The following SLA variants were observed in gnomAD, a reference collection of about 807,000 sequenced individuals.
SLA encodes the protein src-like-adapter.
SLA carries 16 observed loss-of-function variants against 30.3 expected under a neutral mutation model. The ratio of observed to expected loss-of-function variants is 0.53; its 90% CI spans 0.36 to 0.80. The LOEUF is 0.80. Among genes scored for constraint, SLA ranks in the 30% least tolerant of loss-of-function variants. SLA has a pLI of 0.01. For synonymous variants in SLA, 143 were observed against 137.8 expected (o/e 1.04, Z -0.26); for missense variants, 310 against 345.2 (o/e 0.90, Z 0.81).
chr8:133,057,421 C>T (rs1027530180), intron 3 of SLA, among the ~76,000 whole-genome samples: 4 of 152,222 alleles, frequency 2.6e-5, no homozygotes, highest in African/African-American at 9.6e-5. Flanking sequence ...CTACCAGTTT[C>T]ACCACTTTAA....
intron 3 of SLA, among the ~76,000 whole-genome samples, chr8:133,055,232 G>A (rs1284949972): frequency 1.3e-5 from 2 of 152,044 alleles, no homozygotes; most frequent in African/African-American, 4.8e-5. Context: ...TGGTGGGTAG[G>A]GAGCTGTACA....
intron 6 of SLA, among the ~76,000 whole-genome samples, chr8:133,046,184 T>C (rs1228062714): frequency 6.6e-6 from 1 of 152,024 alleles, no homozygotes; most frequent in East Asian, 1.9e-4. Flanking sequence ...GTTCCAGGAG[T>C]AGAAAACACC....
intron 3 of SLA, among the ~76,000 whole-genome samples, chr8:133,056,557 T>A (rs1841476275): frequency 6.6e-6 from 1 of 152,218 alleles, no homozygotes; most frequent in Non-Finnish European, 1.5e-5. Flanking sequence ...TCAGACCACC[T>A]GGCTTTGAAT....
chr8:133,094,830 C>CT, intron 1 of SLA: 1 of 652,484 alleles, frequency 1.5e-6, no homozygotes, highest in Non-Finnish European at 2.7e-6. Context: ...GGTTAGGAAA[C>CT]TGAGGCCTAG....
chr8:133,057,778 A>C (rs916294486), intron 3 of SLA, among the ~76,000 whole-genome samples: 1 of 151,866 alleles, frequency 6.6e-6, no homozygotes, highest in African/African-American at 2.4e-5. Context: ...AAAAAACAAA[A>C]AAAAAAAAAC....
At chr8:133,099,977 C>T (rs1849003520) in intron 1 of SLA, among the ~76,000 whole-genome samples, 1 of 152,172 alleles carries the variant, frequency 6.6e-6, no homozygotes, top group Admixed American at 6.5e-5. Context: ...GACCATTTTA[C>T]TCCTCTGCTC....
At chr8:133,057,529 G>T (rs976849123) in intron 3 of SLA, among the ~76,000 whole-genome samples, 3 of 152,138 alleles carry the variant, frequency 2.0e-5, no homozygotes, top group Admixed American at 1.3e-4. Flanking sequence ...GCTGGTGCCT[G>T]CCCTGCATCA....
At chr8:133,047,957 T>C (rs761048884) in intron 5 of SLA, 24 bp from the exon 6 acceptor site, 2 of 1,469,094 alleles carry the variant, frequency 1.4e-6, no homozygotes, top group African/African-American at 1.4e-5. Context: ...AGACAGCCAT[T>C]AGGATCCGGA....
chr8:133,071,144 C>T (rs530576062), intron 2 of SLA, among the ~76,000 whole-genome samples: 9 of 152,314 alleles, frequency 5.9e-5, no homozygotes, highest in African/African-American at 1.7e-4. Flanking sequence ...TCGTGTACAA[C>T]AACAGGAGAG....
chr8:133,070,751 G>A (rs534451046), intron 2 of SLA, among the ~76,000 whole-genome samples: 63 of 152,296 alleles, frequency 4.1e-4, no homozygotes, highest in African/African-American at 1.5e-3. Context: ...GGGTCTGCTG[G>A]CAAGACCAGA....
chr8:133,072,839 C>G (rs1424350540), intron 2 of SLA: 1 of 152,058 alleles, frequency 6.6e-6, no homozygotes, highest in East Asian at 1.9e-4. Flanking sequence ...CTACCCCTGT[C>G]TGTTTCGTTT....
chr8:133,095,151 AGTG>A, intron 1 of SLA: 1 of 1,614,242 alleles, frequency 6.2e-7, no homozygotes, highest in Non-Finnish European at 8.5e-7. Context: ...CCAGCCAAGA[AGTG>A]GTGTCCTGCC....
intron 2 of SLA, among the ~76,000 whole-genome samples, chr8:133,064,359 A>C (rs1340269159): frequency 6.6e-6 from 1 of 152,276 alleles, no homozygotes; most frequent in Non-Finnish European, 1.5e-5. Context: ...CTACAGGATC[A>C]AGGGAAGACA....
intron 1 of SLA, among the ~76,000 whole-genome samples, chr8:133,088,063 T>C (rs893558996): frequency 6.6e-5 from 10 of 152,154 alleles, no homozygotes; most frequent in Non-Finnish European, 1.2e-4. Flanking sequence ...AGGATGGTAG[T>C]GGGAGTTTAA....
chr8:133,089,594 C>T (rs1308568382), intron 1 of SLA, among the ~76,000 whole-genome samples: 3 of 152,192 alleles, frequency 2.0e-5, no homozygotes, highest in Admixed American at 2.0e-4. Flanking sequence ...GTTTACTTCT[C>T]ACTACACTTC....
intron 1 of SLA, among the ~76,000 whole-genome samples, chr8:133,093,662 G>T (rs1178424254): frequency 6.6e-6 from 1 of 152,124 alleles, no homozygotes; most frequent in Non-Finnish European, 1.5e-5. Flanking sequence ...ATTCTGACTG[G>T]CCTTGCCTCT....
intron 1 of SLA, among the ~76,000 whole-genome samples, chr8:133,077,167 C>T (rs933589183): frequency 7.2e-5 from 11 of 152,162 alleles, no homozygotes; most frequent in Admixed American, 2.6e-4. Context: ...GAGAGGTGTG[C>T]GCAGAAGGGA....
At chr8:133,100,460 G>A (rs1849070138) in intron 1 of SLA, among the ~76,000 whole-genome samples, 3 of 152,176 alleles carry the variant, frequency 2.0e-5, no homozygotes, top group Non-Finnish European at 4.4e-5. Context: ...ATTGCACACA[G>A]CAGGCACACA....
chr8:133,065,411 C>G (rs942614255), intron 2 of SLA, among the ~76,000 whole-genome samples: 1 of 152,214 alleles, frequency 6.6e-6, no homozygotes, highest in Admixed American at 6.5e-5. Context: ...GTTTTGCTGT[C>G]CTCTGACAGA....
Sources: allele counts gnomAD v4.1 joint callset (sites outside exome capture counted in the v4.1 genomes callset), GRCh38; gene constraint gnomAD v4.1.1; transcripts MANE v1.5; gene names NCBI Gene and HGNC (gene_info 2026-07-23, HGNC 2026-07-21).